The following ANKRD49 variants were observed in gnomAD, a reference collection of about 807,000 sequenced individuals.
ANKRD49 encodes ankyrin repeat domain 49.
ANKRD49 carries 18 observed loss-of-function variants against 19.6 expected under a neutral mutation model. That is an observed-to-expected ratio of 0.92 (90% CI 0.63 to 1.36). The LOEUF is 1.36. ANKRD49 is among the 40% of genes most tolerant of loss of function. ANKRD49 has a pLI of 0.00. For synonymous variants in ANKRD49, 88 were observed against 101.8 expected, an observed-to-expected ratio of 0.86 and a Z score of 0.82; for missense variants, 218 against 281.6, an observed-to-expected ratio of 0.77 and a Z score of 1.62.
Position 94,496,728 on chromosome 11 carries a change from C to G in ANKRD49, c.35C>G (p.Pro12Arg), listed in dbSNP as rs559254629. ...GAAAAAGGAAATGATGATGGAATAC[C>G]AGACCAAGAGAATTCCTTGGATTTT... ...EKEKGNDDGI[P>R]DQENSLDFSE... Residue 12 changes from proline (P) to arginine (R), a missense_variant, in exon 2 of 3, where the codon CCA becomes CGA. Coordinates refer to ENST00000544612, the MANE Select transcript of ANKRD49 (RefSeq NM_017704.3). 1.9e-6 allele frequency: 3 copies of G among 1,601,504 alleles called. No homozygotes were observed. The highest frequency in any genetic ancestry group is 3.4e-5 in the Admixed American group (2 of 58,100).
Position 94,499,338 on chromosome 11 carries a change from C to T in ANKRD49, c.*806C>T, listed in dbSNP as rs1477845876. 1 of 152,454 alleles carries T rather than the reference C, an allele frequency of 6.6e-6. No individual in the cohort carries two copies. Among genetic ancestry groups the T allele is most frequent in the Non-Finnish European group, 1.5e-5 (1 of 68,040 alleles). The allele number at this position is 152,454 out of a possible 1,614,324, so 9.4% of individuals were successfully genotyped here. On this transcript the variant is annotated 3_prime_UTR_variant, in exon 3 of 3. Coordinates refer to ENST00000544612, the MANE Select transcript of ANKRD49 (RefSeq NM_017704.3). ...ACCTGCCTAATCCTACTGATTTGGG[C>T]ACTGCTTGTATAGTCTCTCAAGTTC...
chr11:94,495,804 A>G (rs763075016), intron 1 of ANKRD49, among the ~76,000 whole-genome samples: 9 of 152,132 alleles, frequency 5.9e-5, no homozygotes, highest in Non-Finnish European at 1.2e-4. Flanking sequence ...AGTACTTATC[A>G]TGTTGTCTTT....
At chr11:94,497,962 CAAGT>C (rs1325423089) in intron 2 of ANKRD49, 105 bp from the exon 3 acceptor site, 1 of 797,042 alleles carries the variant, frequency 1.3e-6, no homozygotes, top group Non-Finnish European at 1.9e-6. Flanking sequence ...CATCTACTAA[CAAGT>C]AAGTTTTTAT....
At chr11:94,497,262 G>T in intron 2 of ANKRD49, 1 of 494,296 alleles carries the variant, frequency 2.0e-6, no homozygotes, top group Non-Finnish European at 3.5e-6. Context: ...ACTATACCAG[G>T]TACCTTATTA....
intron 1 of ANKRD49, among the ~76,000 whole-genome samples, chr11:94,495,118 G>A (rs1947393999): frequency 1.3e-5 from 2 of 152,146 alleles, no homozygotes; most frequent in Admixed American, 1.3e-4. Flanking sequence ...AAAAGTTACT[G>A]GACATGAGTA....
chr11:94,495,016 G>A (rs1325053151), intron 1 of ANKRD49, among the ~76,000 whole-genome samples: 1 of 152,278 alleles, frequency 6.6e-6, no homozygotes, highest in African/African-American at 2.4e-5. Context: ...CTGATTCCAA[G>A]GGTGTCTCTG....
intron 2 of ANKRD49, 194 bp downstream of exon 2, chr11:94,497,145 T>G (rs746609020): frequency 1.3e-5 from 9 of 681,588 alleles, no homozygotes; most frequent in Non-Finnish European, 2.2e-5. Context: ...TAAGGATAAT[T>G]ATCTATAAAG....
chr11:94,498,618 A>G lies in ANKRD49; in HGVS notation c.*86A>G, dbSNP rs1947451794. Reference sequence around the variant, plus strand: ...CCCATAATCAAAGTTGACGTCAAACATCTTACTACAAAAATTCAGTGACAT... The same window carrying G: ...CCCATAATCAAAGTTGACGTCAAACGTCTTACTACAAAAATTCAGTGACAT... On this transcript the variant is annotated 3_prime_UTR_variant, in exon 3 of 3. Transcript: ENST00000544612. 5.1e-6 allele frequency: 6 copies of G among 1,168,386 alleles called. No homozygotes were observed. In the East Asian group the frequency reaches 1.2e-4, roughly 23 times the overall value. The allele number at this position is 1,168,386 out of a possible 1,614,324, so 72.4% of individuals were successfully genotyped here. A position where few individuals can be genotyped will look rare whatever the true frequency, so the allele number is the denominator to read the frequency against.
intron 1 of ANKRD49, among the ~76,000 whole-genome samples, chr11:94,494,358 G>A (rs936792681): frequency 1.3e-5 from 2 of 152,202 alleles, no homozygotes; most frequent in African/African-American, 4.8e-5. Context: ...ACTGCTTTGT[G>A]CTGAGAGCAG....
rs1484838520 is a variant in ANKRD49 at position 94,496,785 on chromosome 11, A to G, written c.92A>G (p.Glu31Gly). 1 of 1,614,074 alleles carries G rather than the reference A, an allele frequency of 6.2e-7. No homozygotes were observed. Among genetic ancestry groups the G allele is most frequent in the Admixed American group, 1.7e-5 (1 of 60,022 alleles). ...SEHFNQLELL[E>G]THGHLIPTGT... ...CACTTTAACCAACTTGAATTGTTGGAAACACATGGACACCTTATTCCTACT... is the reference window on the plus strand; with the variant it reads ...CACTTTAACCAACTTGAATTGTTGGGAACACATGGACACCTTATTCCTACT... Residue 31 changes from glutamate (E) to glycine (G), a missense_variant, in exon 2 of 3, where the codon GAA becomes GGA. By Grantham distance (98) the Glu-to-Gly change is moderately conservative. Coordinates refer to ENST00000544612, the MANE Select transcript of ANKRD49 (RefSeq NM_017704.3).
chr11:94,495,563 G>T (rs1947405734), intron 1 of ANKRD49, among the ~76,000 whole-genome samples: 1 of 152,168 alleles, frequency 6.6e-6, no homozygotes, highest in Non-Finnish European at 1.5e-5. Context: ...AAATAGAGTT[G>T]AGAGGCTGGG....
At chr11:94,497,047 T>G (rs1271347609) in intron 2 of ANKRD49, 96 bp downstream of exon 2, 1 of 1,518,192 alleles carries the variant, frequency 6.6e-7, no homozygotes, top group South Asian at 1.1e-5. Flanking sequence ...ATCATACCTA[T>G]CTCTTGATTG....
intron 1 of ANKRD49, among the ~76,000 whole-genome samples, chr11:94,494,944 A>G (rs1947388968): frequency 6.6e-6 from 1 of 152,196 alleles, no homozygotes; most frequent in South Asian, 2.1e-4. Flanking sequence ...TTTGAGAATC[A>G]AAGAAAAAGT....
chr11:94,494,510 C>T (rs557831597), intron 1 of ANKRD49, among the ~76,000 whole-genome samples: 5 of 152,246 alleles, frequency 3.3e-5, no homozygotes, highest in Admixed American at 2.6e-4. Context: ...TTTATAGCCC[C>T]GCCTATCACT....
At chr11:94,496,312 A>G (rs1947417639) in intron 1 of ANKRD49, among the ~76,000 whole-genome samples, 1 of 152,234 alleles carries the variant, frequency 6.6e-6, no homozygotes, top group Admixed American at 6.5e-5. Flanking sequence ...ACCTTTAAGC[A>G]TTCATCACTG....
At chr11:94,495,245 T>A (rs473297) in intron 1 of ANKRD49, among the ~76,000 whole-genome samples, 1 of 151,914 alleles carries the variant, frequency 6.6e-6, no homozygotes, top group East Asian at 1.9e-4. Context: ...TATCTTGGGG[T>A]TATGCCTAAC....
intron 2 of ANKRD49, chr11:94,497,740 A>C (rs2135162268): frequency 4.6e-6 from 1 of 219,510 alleles, no homozygotes; most frequent in Non-Finnish European, 9.0e-6. Context: ...CAGATAACAC[A>C]TAAAATATTA....
chr11:94,496,545 T>G (rs981258482), intron 1 of ANKRD49, 59 bp from the exon 2 acceptor site: 14 of 694,116 alleles, frequency 2.0e-5, no homozygotes, highest in Non-Finnish European at 3.3e-5. Context: ...GACTTATCTA[T>G]GCAGTTGATA....
chr11:94,496,261 C>G (rs908993970), intron 1 of ANKRD49, among the ~76,000 whole-genome samples: 1 of 152,142 alleles, frequency 6.6e-6, no homozygotes, highest in Non-Finnish European at 1.5e-5. Context: ...TTATAAAAAT[C>G]TTGAATGCAC....
Sources: gnomAD v4.1 joint callset for allele counts (sites outside exome capture counted in the v4.1 genomes callset) on GRCh38, gnomAD v4.1.1 for gene constraint, MANE v1.5 for transcripts, NCBI Gene and HGNC (gene_info 2026-07-23, HGNC 2026-07-21) for gene names.